Variants in CHST8 observed in about 807,000 individuals in gnomAD.
CHST8 encodes carbohydrate sulfotransferase 8.
CHST8 carries 10 observed loss-of-function variants against 15.0 expected under a neutral mutation model. That is an observed-to-expected ratio of 0.67 (90% CI 0.41 to 1.13). CHST8 has a LOEUF of 1.13. Ranked by LOEUF, CHST8 falls within the 50% of genes most tolerant of loss-of-function variation. The pLI, the probability that CHST8 is intolerant of heterozygous loss-of-function variation, is 0.00. For synonymous variants in CHST8, 259 were observed against 256.6 expected (o/e 1.01, Z -0.09); for missense variants, 634 against 608.2 (o/e 1.04, Z -0.45).
chr19:33,634,927 C>T (rs1356399607), intron 1 of CHST8, among the ~76,000 whole-genome samples: 1 of 152,094 alleles, frequency 6.6e-6, no homozygotes, highest in Middle Eastern at 3.2e-3. Flanking sequence ...GAATGACCTC[C>T]TCCTTCTCCA....
At chr19:33,724,560 G>A (rs974402013) in intron 3 of CHST8, among the ~76,000 whole-genome samples, 3 of 152,188 alleles carry the variant, frequency 2.0e-5, no homozygotes, top group Admixed American at 1.3e-4. Flanking sequence ...TGGAGGACAC[G>A]CCCTCCCTCA....
intron 3 of CHST8, among the ~76,000 whole-genome samples, chr19:33,759,239 G>A (rs1052836428): frequency 5.9e-5 from 9 of 152,200 alleles, no homozygotes; most frequent in African/African-American, 1.2e-4. Context: ...CCCCAGCCTC[G>A]GGCTCCAGCC....
In CHST8 at chr19:33,663,250, C is replaced by A. The variant is rs116078699; in HGVS notation, c.-163-4517C>A. Among the ~76,000 whole-genome samples, 1,015 of 152,282 alleles carry A rather than the reference C, an allele frequency of 6.7e-3. 11 individuals are homozygous for A. The highest frequency in any genetic ancestry group is 0.023 in the African/African-American group (956 of 41,558). ...TGCATGGAGATTGGACTTTGCAACA[C>A]CCACACTTTGAAATATTCTGGACAG... On this transcript the variant is annotated intron_variant, in intron 1 of 4. Coordinates refer to ENST00000650847, the MANE Select transcript of CHST8 (RefSeq NM_001127895.2).
At chr19:33,660,805 G>A (rs1418394083) in intron 1 of CHST8, among the ~76,000 whole-genome samples, 1 of 152,200 alleles carries the variant, frequency 6.6e-6, no homozygotes, top group African/African-American at 2.4e-5. Context: ...AGTGCCTTGG[G>A]TGCACTGCCT....
intron 1 of CHST8, among the ~76,000 whole-genome samples, chr19:33,655,334 G>A (rs1972497926): frequency 6.6e-6 from 1 of 152,168 alleles, no homozygotes; most frequent in Non-Finnish European, 1.5e-5. Context: ...ACCGCGCCCA[G>A]CCTTCCATGT....
intron 3 of CHST8, among the ~76,000 whole-genome samples, chr19:33,690,931 G>A (rs967329336): frequency 2.0e-5 from 3 of 152,232 alleles, no homozygotes; most frequent in African/African-American, 4.8e-5. Flanking sequence ...TGGTGTGTGC[G>A]TGGTTGGGGG....
rs1455081039 is a variant in CHST8, at chr19:33,668,463, G to GCCT, written c.-87+623_-87+625dup. Among the ~76,000 whole-genome samples the GCCT allele has an allele frequency of 5.3e-5, 8 of 152,244 alleles. No individual in the cohort carries two copies. The South Asian group carries it at 1.7e-3, about 32-fold the overall frequency. ...TGGGCTTTGTGAGGGGGGAAAGATA[G>GCCT]CCTCCGAGCAATTAGGGTTTGGAAA... On this transcript the variant is annotated intron_variant, in intron 2 of 4. Transcript: ENST00000650847.
intron 2 of CHST8, among the ~76,000 whole-genome samples, chr19:33,681,005 T>C (rs541419875): frequency 3.3e-5 from 5 of 152,314 alleles, no homozygotes; most frequent in African/African-American, 1.2e-4. Context: ...TGCAAAACCG[T>C]AGAACAGTAT....
At chr19:33,686,449 A>T (rs1327190701) in intron 2 of CHST8, among the ~76,000 whole-genome samples, 1 of 152,082 alleles carries the variant, frequency 6.6e-6, no homozygotes, top group Non-Finnish European at 1.5e-5. Flanking sequence ...TCGAATGGAG[A>T]CAGACTGGGG....
intron 3 of CHST8, among the ~76,000 whole-genome samples, chr19:33,755,759 C>T (rs1360711140): frequency 1.3e-5 from 2 of 152,212 alleles, no homozygotes; most frequent in Non-Finnish European, 2.9e-5. Flanking sequence ...AGAGCAGCTG[C>T]GCTGGTTGGA....
chr19:33,769,182 C>T (rs1216684286), intron 3 of CHST8, among the ~76,000 whole-genome samples: 2 of 152,174 alleles, frequency 1.3e-5, no homozygotes, highest in African/African-American at 4.8e-5. Flanking sequence ...GGGGACAGTG[C>T]CAGTGGGAGG....
chr19:33,724,488 C>G (rs117685227), intron 3 of CHST8, among the ~76,000 whole-genome samples: 1 of 152,192 alleles, frequency 6.6e-6, no homozygotes, highest in South Asian at 2.1e-4. Context: ...GGCTGGCAGC[C>G]GGGCTGCTCT....
Position 33,756,381 on chromosome 19 carries a change from A to G in CHST8, c.131-15032A>G, listed in dbSNP as rs142778512. On this transcript the variant is annotated intron_variant, in intron 3 of 4. Transcript: ENST00000650847. The stretch of plus-strand genomic sequence containing the variant: ...CCTCCCAAACCGAGGTATGTGGCCC[A>G]GATCTGGCTAATGGACAGTTTCACC... Among the ~76,000 whole-genome samples, 25 of 152,312 alleles carry G rather than the reference A, an allele frequency of 1.6e-4. 1 individual carries two copies. The East Asian group carries it at 4.8e-3, about 30-fold the overall frequency.
At chr19:33,712,223 G>A (rs952946795) in intron 3 of CHST8, among the ~76,000 whole-genome samples, 2 of 152,176 alleles carry the variant, frequency 1.3e-5, no homozygotes, top group Non-Finnish European at 2.9e-5. Context: ...ATCACTTCCC[G>A]TTCACCCGAT....
At chr19:33,769,965 C>A (rs978558690) in intron 3 of CHST8, among the ~76,000 whole-genome samples, 5 of 152,276 alleles carry the variant, frequency 3.3e-5, no homozygotes, top group Admixed American at 2.6e-4. Flanking sequence ...TCTCTTGGGA[C>A]TTGAGGAAGG....
intron 3 of CHST8, among the ~76,000 whole-genome samples, chr19:33,696,944 G>A (rs948614695): frequency 1.3e-5 from 2 of 151,646 alleles, no homozygotes; most frequent in South Asian, 2.1e-4. Flanking sequence ...GGGTTCAAGC[G>A]ATTCTCCTGC....
At chr19:33,640,355 A>G (rs1972267652) in intron 1 of CHST8, among the ~76,000 whole-genome samples, 1 of 152,088 alleles carries the variant, frequency 6.6e-6, no homozygotes, top group Non-Finnish European at 1.5e-5. Flanking sequence ...GACAGTTTCA[A>G]TCTGGGATGT....
At chr19:33,729,344 G>T (rs1973955544) in intron 3 of CHST8, among the ~76,000 whole-genome samples, 1 of 152,244 alleles carries the variant, frequency 6.6e-6, no homozygotes, top group African/African-American at 2.4e-5. Flanking sequence ...TGCCATGTGG[G>T]CCTCTCCGTA....
intron 1 of CHST8, among the ~76,000 whole-genome samples, chr19:33,632,166 G>T (rs554255862): frequency 2.8e-4 from 42 of 147,724 alleles, no homozygotes; most frequent in Non-Finnish European, 5.0e-4. Flanking sequence ...TCCAGACAGG[G>T]TCTCCCTCTG....
Sources: gnomAD v4.1 joint callset for allele counts (sites outside exome capture counted in the v4.1 genomes callset) on GRCh38, gnomAD v4.1.1 for gene constraint, MANE v1.5 for transcripts, NCBI Gene and HGNC (gene_info 2026-07-23, HGNC 2026-07-21) for gene names.